The following PABPC1 variants were observed in gnomAD, a reference collection of about 807,000 sequenced individuals.
PABPC1 encodes the protein polyadenylate-binding protein 1.
In PABPC1, 4 loss-of-function variants were observed where a neutral mutation model predicts 74.0. The ratio of observed to expected loss-of-function variants is 0.05; its 90% CI spans 0.03 to 0.12. The LOEUF (loss-of-function observed/expected upper bound fraction) is 0.12. PABPC1 is among the 10% of genes least tolerant of loss of function. PABPC1 has a pLI of 1.00. For synonymous variants in PABPC1, 227 were observed against 264.1 expected, an observed-to-expected ratio of 0.86 and a Z score of 1.36; for missense variants, 271 against 821.1, an observed-to-expected ratio of 0.33 and a Z score of 8.19.
chr8:100,706,421 G>A (rs1810380551), intron 11 of PABPC1, among the ~76,000 whole-genome samples: 1 of 151,914 alleles, frequency 6.6e-6, no homozygotes, highest in Non-Finnish European at 1.5e-5. Flanking sequence ...AGCCTTCCTA[G>A]CAGCTAGGAC....
At chr8:100,716,287 C>T (rs1563615129) in intron 3 of PABPC1, among the ~76,000 whole-genome samples, 1 of 152,044 alleles carries the variant, frequency 6.6e-6, no homozygotes, top group Non-Finnish European at 1.5e-5. Flanking sequence ...TGTAATCCCA[C>T]CTACTTGGGA....
chr8:100,718,326 G>T (rs1374077123), intron 1 of PABPC1, 46 bp from the exon 2 acceptor site: 1 of 1,519,850 alleles, frequency 6.6e-7, no homozygotes, highest in East Asian at 2.3e-5. Context: ...CAAAATTTTT[G>T]CTGGCTACTT....
intron 7 of PABPC1, among the ~76,000 whole-genome samples, chr8:100,710,808 G>A (rs774518290): frequency 4.0e-5 from 6 of 151,522 alleles, no homozygotes; most frequent in African/African-American, 1.2e-4. Flanking sequence ...CCAACGTGGC[G>A]AAACCCCGTC....
In PABPC1 at chr8:100,718,117, A is replaced by G. The variant is rs571872767; in HGVS notation, c.357T>C (p.Phe119=). Residue 119 remains phenylalanine (F), a synonymous_variant, in exon 2 of 15, where the codon TTT becomes TTC. Coordinates refer to ENST00000318607, the MANE Select transcript of PABPC1 (RefSeq NM_002568.4). ...SIDNKALYDT[F]SAFGNILSCK... is the part of the protein sequence containing the mutation. Reference sequence around the variant, plus strand: ...ATGAAAGGATGTTACCAAAAGCAGAAAATGTATCATACAGTGCTTTATTAT... The same window carrying G: ...ATGAAAGGATGTTACCAAAAGCAGAGAATGTATCATACAGTGCTTTATTAT... The G allele has an allele frequency of 1.2e-6, 2 of 1,614,084 alleles. No homozygotes were observed.
chr8:100,707,940 C>T (rs994193028), intron 9 of PABPC1, among the ~76,000 whole-genome samples: 14 of 152,230 alleles, frequency 9.2e-5, no homozygotes, highest in Non-Finnish European at 1.5e-4. Context: ...AGAAGGCTCG[C>T]ACTCTTGTCT....
intron 1 of PABPC1, among the ~76,000 whole-genome samples, chr8:100,720,939 C>A (rs1810807191): frequency 6.6e-6 from 1 of 152,196 alleles, no homozygotes; most frequent in African/African-American, 2.4e-5. Context: ...GGGTTCAACA[C>A]GTGGTATTTT....
chr8:100,719,657 T>C (rs1810762179), intron 1 of PABPC1, among the ~76,000 whole-genome samples: 2 of 152,218 alleles, frequency 1.3e-5, no homozygotes, highest in African/African-American at 4.8e-5. Flanking sequence ...CTGTACACTG[T>C]AACCACGGCA....
intron 4 of PABPC1, among the ~76,000 whole-genome samples, chr8:100,714,488 T>C (rs780633663): frequency 6.6e-6 from 1 of 152,160 alleles, no homozygotes; most frequent in Non-Finnish European, 1.5e-5. Flanking sequence ...CCCAGCACTT[T>C]GGGAGGCCGA....
intron 12 of PABPC1, 88 bp downstream of exon 12, chr8:100,705,501 C>T (rs1810356928): frequency 1.2e-6 from 1 of 803,252 alleles, no homozygotes; most frequent in Non-Finnish European, 2.2e-6. Context: ...TTCCACTGCC[C>T]TAGCTGTCAA....
chr8:100,702,996 T>C lies in PABPC1; in HGVS notation c.*365A>G, dbSNP rs1326856656. ...CTTGCTCAGTTATCAATTCTGTTAC[T>C]TAAAACAGAACTGACATTCTGAGCT... On this transcript the variant is annotated 3_prime_UTR_variant, in exon 15 of 15. Coordinates refer to ENST00000318607, the MANE Select transcript of PABPC1 (RefSeq NM_002568.4). 5.2e-5 allele frequency: 8 copies of C among 155,254 alleles called. No individual in the cohort carries two copies. Among genetic ancestry groups the C allele is most frequent in the African/African-American group, 1.9e-4 (8 of 41,482 alleles). The allele number at this position is 155,254 out of a possible 1,614,324, so 9.6% of individuals were successfully genotyped here. A position where few individuals can be genotyped will look rare whatever the true frequency, so the allele number is the denominator to read the frequency against.
rs755599462 is a variant in PABPC1 at position 100,704,320 on chromosome 8, G to A, written c.1889C>T (p.Ala630Val). 6.2e-7 allele frequency: 1 copy of A among 1,613,502 alleles called. No homozygotes were observed. Among genetic ancestry groups the A allele is most frequent in the African/African-American group, 1.3e-5 (1 of 74,882 alleles). ...ACTTTAAACAGTTGGAACACCGGTG[G>A]CACTGTTAACTGCTTTCTGGGCAGC... is the stretch of plus-strand genomic sequence containing the variant. ...KEAAQKAVNS[A>V]TGVPTV The change falls in exon 14 of 15, where the codon GCC becomes GTC. Residue 630 changes from alanine (A) to valine (V), a missense_variant. By Grantham distance (64) the Ala-to-Val change is moderately conservative. Coordinates refer to ENST00000318607, the MANE Select transcript of PABPC1 (RefSeq NM_002568.4).
chr8:100,708,872 C>G (rs1266445733), intron 9 of PABPC1, among the ~76,000 whole-genome samples: 1 of 128,896 alleles, frequency 7.8e-6, no homozygotes, highest in Non-Finnish European at 1.5e-5. Flanking sequence ...GAGCGAGACT[C>G]TGTCTCGAAA....
intron 4 of PABPC1, among the ~76,000 whole-genome samples, chr8:100,713,614 C>G (rs2129722347): frequency 6.6e-6 from 1 of 152,272 alleles, no homozygotes; most frequent in Admixed American, 6.5e-5. Flanking sequence ...CTCAACTTAC[C>G]AAGTATCTGG....
chr8:100,715,799 CA>C (rs201171556), intron 3 of PABPC1, among the ~76,000 whole-genome samples, 198 bp from the exon 4 acceptor site: 65 of 146,602 alleles, frequency 4.4e-4, no homozygotes, highest in African/African-American at 9.5e-4. Context: ...ACTACAATCA[CA>C]AAAAAAAAAC....
At chr8:100,719,887 G>T (rs1810770179) in intron 1 of PABPC1, among the ~76,000 whole-genome samples, 1 of 152,192 alleles carries the variant, frequency 6.6e-6, no homozygotes, top group African/African-American at 2.4e-5. Context: ...AGGTTGACAA[G>T]AACTGTTATG....
At chr8:100,719,048 G>A (rs1563616576) in intron 1 of PABPC1, among the ~76,000 whole-genome samples, 1 of 152,136 alleles carries the variant, frequency 6.6e-6, no homozygotes, top group Non-Finnish European at 1.5e-5. Context: ...CTTAACAACT[G>A]ATTTAGTTAT....
At chr8:100,714,039 C>T (rs980709951) in intron 4 of PABPC1, among the ~76,000 whole-genome samples, 3 of 152,106 alleles carry the variant, frequency 2.0e-5, no homozygotes, top group African/African-American at 4.8e-5. Flanking sequence ...GTAACTGAGG[C>T]GGGTGGTATC....
At chr8:100,710,257 G>A (rs73700209) in intron 7 of PABPC1, among the ~76,000 whole-genome samples, 7,592 of 152,236 alleles carry the variant, frequency 0.05, 626 homozygotes, top group African/African-American at 0.17. Context: ...ACACTCAAGA[G>A]GAAGGTTCTT....
At chr8:100,710,050 C>A (rs1304786362) in intron 7 of PABPC1, among the ~76,000 whole-genome samples, 1 of 152,132 alleles carries the variant, frequency 6.6e-6, no homozygotes, top group Non-Finnish European at 1.5e-5. Flanking sequence ...AAATACATCC[C>A]AGGCCTACTA....
Sources: allele counts gnomAD v4.1 joint callset (sites outside exome capture counted in the v4.1 genomes callset), GRCh38; gene constraint gnomAD v4.1.1; transcripts MANE v1.5; gene names NCBI Gene and HGNC (gene_info 2026-07-23, HGNC 2026-07-21).